Variants in RANBP2 observed in about 807,000 individuals in gnomAD.
RANBP2 encodes RAN binding protein 2.
Under a neutral mutation model 303.6 loss-of-function variants are expected in RANBP2, and 57 were observed. The observed-to-expected ratio is 0.19, with a 90% CI of 0.15 to 0.23. The LOEUF is 0.23. Ranked by LOEUF, RANBP2 falls within the 10% of genes least tolerant of loss-of-function variation. RANBP2 has a pLI of 1.00. For synonymous variants in RANBP2, 1,167 were observed against 1,301.5 expected (o/e 0.90, Z 2.23); for missense variants, 3,138 against 3,780.8 (o/e 0.83, Z 4.46).
At chr2:109,615,562 A>G in the RANBP2 span, 3 of 1,614,018 alleles carry the variant, frequency 1.9e-6, no homozygotes, top group Admixed American at 1.7e-5. Context: ...GAGGTGGTGA[A>G]GCTGCTGGTG....
the RANBP2 span, among the ~76,000 whole-genome samples, chr2:109,465,420 G>A: frequency 6.6e-6 from 1 of 152,198 alleles, no homozygotes; most frequent in East Asian, 1.9e-4. Context: ...CTTCCAAAGT[G>A]GCTGCACCAT....
the RANBP2 span, among the ~76,000 whole-genome samples, chr2:109,272,604 C>T: frequency 2.6e-5 from 4 of 152,244 alleles, no homozygotes; most frequent in Non-Finnish European, 4.4e-5. Context: ...GACCCTGCTG[C>T]AGGCGAGTGG....
chr2:109,534,779 A>T, the RANBP2 span, among the ~76,000 whole-genome samples: 1 of 152,048 alleles, frequency 6.6e-6, no homozygotes, highest in Non-Finnish European at 1.5e-5. Context: ...CAAAAAAAAA[A>T]AAAAAGTTTG....
At chr2:108,908,497 C>T in the RANBP2 span, among the ~76,000 whole-genome samples, 3 of 152,138 alleles carry the variant, frequency 2.0e-5, no homozygotes, top group African/African-American at 7.2e-5. Context: ...CTGAATGGAG[C>T]CTTGTGCCTG....
chr2:109,525,615 G>A, the RANBP2 span, among the ~76,000 whole-genome samples: 1 of 152,240 alleles, frequency 6.6e-6, no homozygotes, highest in Non-Finnish European at 1.5e-5. Context: ...ATTCAGGGCA[G>A]GATGGAAACA....
At chr2:109,530,579 T>C in the RANBP2 span, among the ~76,000 whole-genome samples, 3 of 152,190 alleles carry the variant, frequency 2.0e-5, no homozygotes, top group African/African-American at 7.2e-5. Context: ...CGGAATGATA[T>C]GCAAGGTTCT....
the RANBP2 span, among the ~76,000 whole-genome samples, chr2:109,708,514 T>G: frequency 6.6e-6 from 1 of 151,972 alleles, no homozygotes; most frequent in African/African-American, 2.4e-5. Flanking sequence ...AAAAATTAGC[T>G]GGCGTGGTGG....
chr2:109,078,119 G>A, the RANBP2 span, among the ~76,000 whole-genome samples: 1 of 48,766 alleles, frequency 2.1e-5, no homozygotes, highest in African/African-American at 8.8e-5. Flanking sequence ...TATATATATA[G>A]CGTGTATATA....
At chr2:108,824,683 C>G in the RANBP2 span, among the ~76,000 whole-genome samples, 3 of 151,982 alleles carry the variant, frequency 2.0e-5, no homozygotes, top group African/African-American at 7.2e-5. Context: ...GTAACATAGT[C>G]ATTTATTATC....
the RANBP2 span, among the ~76,000 whole-genome samples, chr2:109,177,788 T>G: frequency 6.6e-6 from 1 of 152,214 alleles, no homozygotes; most frequent in Non-Finnish European, 1.5e-5. Context: ...GTAAGAAATA[T>G]TAAAGCCTAT....
intron 9 of RANBP2, 147 bp downstream of exon 9, chr2:108,749,276 T>G (rs1675656342): frequency 7.4e-7 from 1 of 1,354,232 alleles, no homozygotes; most frequent in Non-Finnish European, 1.0e-6. Flanking sequence ...TGTGGTGCTG[T>G]GGGGGTGGCA....
the RANBP2 span, among the ~76,000 whole-genome samples, chr2:108,977,994 G>A: frequency 7.2e-3 from 1,093 of 152,304 alleles, 8 homozygotes; most frequent in South Asian, 0.028. Flanking sequence ...TTCTATTCTC[G>A]TAGAGGAACT....
the RANBP2 span, among the ~76,000 whole-genome samples, chr2:109,149,367 G>C: frequency 6.6e-6 from 1 of 152,166 alleles, no homozygotes; most frequent in Middle Eastern, 3.2e-3. Context: ...TCAAGTGTCT[G>C]GCAGAGACTT....
At chr2:109,188,539 G>T in the RANBP2 span, among the ~76,000 whole-genome samples, 8 of 152,224 alleles carry the variant, frequency 5.3e-5, no homozygotes, top group Non-Finnish European at 1.0e-4. Flanking sequence ...CAGAGAAGCG[G>T]CATCCCCCGT....
At chr2:109,104,198 T>G in the RANBP2 span, among the ~76,000 whole-genome samples, 2 of 152,198 alleles carry the variant, frequency 1.3e-5, no homozygotes, top group African/African-American at 4.8e-5. Flanking sequence ...TTGATTTCCT[T>G]CAGGGCCTGC....
chr2:109,708,076 G>T, the RANBP2 span, among the ~76,000 whole-genome samples: 1 of 152,196 alleles, frequency 6.6e-6, no homozygotes. Context: ...CAAGACCCCA[G>T]GTCAGGCACA....
At chr2:109,558,509 G>A in the RANBP2 span, among the ~76,000 whole-genome samples, 2 of 152,126 alleles carry the variant, frequency 1.3e-5, no homozygotes, top group Non-Finnish European at 2.9e-5. Context: ...TATTAAACTT[G>A]GGGATTTAAA....
chr2:109,171,935 C>T, the RANBP2 span, among the ~76,000 whole-genome samples: 3 of 152,376 alleles, frequency 2.0e-5, no homozygotes, highest in Admixed American at 1.3e-4. Context: ...CCAGCCTTGA[C>T]TCCCTCCTTT....
At chr2:108,799,794 C>G in the RANBP2 span, among the ~76,000 whole-genome samples, 1 of 152,104 alleles carries the variant, frequency 6.6e-6, no homozygotes, top group Non-Finnish European at 1.5e-5. Context: ...TTCTGAGGCT[C>G]CATTCCTTTT....
Sources: gnomAD v4.1 joint callset for allele counts (sites outside exome capture counted in the v4.1 genomes callset) on GRCh38, gnomAD v4.1.1 for gene constraint, MANE v1.5 for transcripts, NCBI Gene and HGNC (gene_info 2026-07-23, HGNC 2026-07-21) for gene names.